The following STK24 variants were observed in gnomAD, a reference collection of about 807,000 sequenced individuals.
STK24 encodes the protein serine/threonine-protein kinase 24.
A neutral mutation model predicts 55.6 loss-of-function variants in STK24; 21 were observed. The ratio of observed to expected loss-of-function variants is 0.38; its 90% CI spans 0.27 to 0.54. The LOEUF is 0.54. Among genes scored for constraint, STK24 ranks in the 20% least tolerant of loss-of-function variants. The pLI, the probability that STK24 is intolerant of heterozygous loss-of-function variation, is 0.79. For synonymous variants in STK24, 200 were observed against 215.2 expected, an observed-to-expected ratio of 0.93 and a Z score of 0.62; for missense variants, 383 against 538.4, an observed-to-expected ratio of 0.71 and a Z score of 2.86.
At chr13:98,576,691 T>G (rs1897906755) in intron 1 of STK24, 54 bp downstream of exon 1, 2 of 1,414,548 alleles carry the variant, frequency 1.4e-6, no homozygotes, top group Non-Finnish European at 1.9e-6. Flanking sequence ...TACCGCCAAG[T>G]TGCTGCTTCC....
intron 5 of STK24, among the ~76,000 whole-genome samples, chr13:98,468,019 G>A (rs1456152955): frequency 1.1e-4 from 16 of 152,196 alleles, no homozygotes; most frequent in Non-Finnish European, 1.6e-4. Context: ...AGTGAGAATC[G>A]AATACATCTC....
At chr13:98,574,262 C>T (rs546825705) in intron 1 of STK24, among the ~76,000 whole-genome samples, 5 of 152,320 alleles carry the variant, frequency 3.3e-5, no homozygotes, top group South Asian at 2.1e-4. Flanking sequence ...CCGCCCACTT[C>T]GGCCTCTCAA....
chr13:98,523,298 A>G (rs1200552424), intron 1 of STK24, among the ~76,000 whole-genome samples: 4 of 152,136 alleles, frequency 2.6e-5, no homozygotes, highest in Non-Finnish European at 5.9e-5. Context: ...CTGAGACTTA[A>G]TTTTAAAAAC....
chr13:98,475,493 AT>A, intron 3 of STK24, 135 bp from the exon 4 acceptor site: 1 of 619,250 alleles, frequency 1.6e-6, no homozygotes, highest in Non-Finnish European at 2.7e-6. Flanking sequence ...AAAACACATG[AT>A]TTTGCCCTAA....
intron 2 of STK24, among the ~76,000 whole-genome samples, chr13:98,505,244 C>T (rs746162551): frequency 6.6e-5 from 10 of 152,216 alleles, no homozygotes; most frequent in Non-Finnish European, 8.8e-5. Context: ...AGACAGCAAA[C>T]ATAATAGCAA....
chr13:98,486,508 C>A (rs1664252388), intron 2 of STK24, among the ~76,000 whole-genome samples: 1 of 152,224 alleles, frequency 6.6e-6, no homozygotes, highest in Non-Finnish European at 1.5e-5. Flanking sequence ...CCTTCACAGC[C>A]ACACCAGGGA....
chr13:98,576,520 G>A (rs1385591763), intron 1 of STK24, among the ~76,000 whole-genome samples: 1 of 152,082 alleles, frequency 6.6e-6, no homozygotes, highest in African/African-American at 2.4e-5. Flanking sequence ...CCCAGGCCGC[G>A]GTTCCTACGG....
intron 1 of STK24, among the ~76,000 whole-genome samples, chr13:98,523,163 C>T (rs1370840043): frequency 1.3e-5 from 2 of 152,178 alleles, no homozygotes; most frequent in African/African-American, 2.4e-5. Context: ...AACCACCACT[C>T]GGCACAGGCT....
intron 1 of STK24, among the ~76,000 whole-genome samples, chr13:98,559,002 TAAAA>T (rs60756124): frequency 0.02 from 844 of 42,992 alleles, 4 homozygotes; most frequent in African/African-American, 0.037. Flanking sequence ...CTGTCTCTAC[TAAAA>T]AAAAAAAAAA....
At chr13:98,505,952 A>T (rs1479477574) in intron 2 of STK24, among the ~76,000 whole-genome samples, 1 of 152,216 alleles carries the variant, frequency 6.6e-6, no homozygotes, top group Admixed American at 6.5e-5. Context: ...AAGACAAAAA[A>T]ATCTTTTCAT....
chr13:98,536,677 T>C (rs1896744658), intron 1 of STK24, among the ~76,000 whole-genome samples: 2 of 152,084 alleles, frequency 1.3e-5, no homozygotes, highest in South Asian at 2.1e-4. Context: ...TCTCCATTTT[T>C]AAAAGCTCAT....
intron 9 of STK24, 21 bp from the exon 10 acceptor site, chr13:98,457,325 A>T: frequency 3.1e-6 from 5 of 1,613,950 alleles, no homozygotes; most frequent in Non-Finnish European, 3.4e-6. Context: ...ACGAACAGGA[A>T]GAATGGCATG....
chr13:98,488,350 G>A (rs191656878), intron 2 of STK24, among the ~76,000 whole-genome samples: 18 of 152,280 alleles, frequency 1.2e-4, no homozygotes, highest in Non-Finnish European at 1.9e-4. Flanking sequence ...GCGCTACTTC[G>A]TTCTGGCAGC....
chr13:98,493,073 GC>G (rs1895103335), intron 2 of STK24, among the ~76,000 whole-genome samples: 1 of 152,176 alleles, frequency 6.6e-6, no homozygotes, highest in African/African-American at 2.4e-5. Context: ...GAAAACAATT[GC>G]CTGTAATTTG....
At chr13:98,510,983 C>T (rs1172283180) in intron 2 of STK24, among the ~76,000 whole-genome samples, 3 of 152,210 alleles carry the variant, frequency 2.0e-5, no homozygotes, top group Non-Finnish European at 4.4e-5. Flanking sequence ...CGAACAACCA[C>T]ACGGTAGTAT....
chr13:98,527,802 G>T (rs939169714), intron 1 of STK24, among the ~76,000 whole-genome samples: 3 of 152,212 alleles, frequency 2.0e-5, no homozygotes, highest in African/African-American at 7.2e-5. Flanking sequence ...CGGGAGACCA[G>T]AGGGGTTCAG....
intron 3 of STK24, among the ~76,000 whole-genome samples, chr13:98,479,607 A>G (rs1046497463): frequency 6.6e-6 from 1 of 152,152 alleles, no homozygotes; most frequent in African/African-American, 2.4e-5. Flanking sequence ...ATTTATGTAT[A>G]TGCCATGTTG....
At chr13:98,535,370 A>AAT (rs71111959) in intron 1 of STK24, among the ~76,000 whole-genome samples, 103 of 55,946 alleles carry the variant, frequency 1.8e-3, no homozygotes, top group East Asian at 5.9e-3. Flanking sequence ...ACAAAAAAAA[A>AAT]ATATATATAT....
chr13:98,489,802 T>C (rs1328788941), intron 2 of STK24, among the ~76,000 whole-genome samples: 2 of 152,142 alleles, frequency 1.3e-5, no homozygotes. Context: ...CAGCTGATGG[T>C]GTTCAAAGTT....
Sources: allele counts gnomAD v4.1 joint callset (sites outside exome capture counted in the v4.1 genomes callset), GRCh38; gene constraint gnomAD v4.1.1; transcripts MANE v1.5; gene names NCBI Gene and HGNC (gene_info 2026-07-23, HGNC 2026-07-21).